DISC1: variants seen among roughly 807,000 people sequenced by gnomAD.
DISC1 encodes disrupted in schizophrenia 1 protein.
In DISC1, 57 loss-of-function variants were observed where a neutral mutation model predicts 84.5. That is an observed-to-expected ratio of 0.67 (90% CI 0.55 to 0.84). The LOEUF (loss-of-function observed/expected upper bound fraction) is 0.84, where lower values mean the gene tolerates loss of function less well. Ranked by LOEUF, DISC1 falls within the 40% of genes least tolerant of loss-of-function variation. DISC1 has a pLI of 0.00. For missense variants in DISC1, 1,000 were observed against 1,057.8 expected (o/e 0.95, Z 0.76); for synonymous variants, 411 against 415.2 (o/e 0.99, Z 0.12).
At chr1:231,833,999 C>T (rs1054013128) in intron 9 of DISC1, among the ~76,000 whole-genome samples, 2 of 152,110 alleles carry the variant, frequency 1.3e-5, no homozygotes, top group Non-Finnish European at 2.9e-5. Flanking sequence ...TGTAAAGTGT[C>T]TCAGGGTTGC....
rs570477374 is a variant in DISC1 at position 231,851,472 on chromosome 1, T to C, written c.1981+32955T>C. ...GCAGCAGGAAACTGAATATAGTCAC[T>C]CACATAGCTAAACCCAGGCTCAGGC... On this transcript the variant is annotated intron_variant, in intron 9 of 12. Coordinates refer to ENST00000439617, the MANE Select transcript of DISC1 (RefSeq NM_018662.3). Among the ~76,000 whole-genome samples the C allele has an allele frequency of 2.6e-5, 4 of 152,270 alleles. No homozygotes were observed. In the East Asian group the frequency reaches 7.7e-4, roughly 29 times the overall value.
chr1:231,863,443 C>G (rs1276551079), intron 9 of DISC1, among the ~76,000 whole-genome samples: 1 of 152,100 alleles, frequency 6.6e-6, no homozygotes, highest in South Asian at 2.1e-4. Context: ...GTTGGCCAGG[C>G]TGGTCTTGAA....
intron 7 of DISC1, among the ~76,000 whole-genome samples, chr1:231,797,776 A>C (rs766910501): frequency 1.3e-5 from 2 of 152,188 alleles, no homozygotes; most frequent in Non-Finnish European, 2.9e-5. Context: ...CATAAAATTA[A>C]GGAACTCACA....
At chr1:231,942,875 C>T (rs1319610686) in intron 9 of DISC1, among the ~76,000 whole-genome samples, 1 of 152,172 alleles carries the variant, frequency 6.6e-6, no homozygotes, top group Non-Finnish European at 1.5e-5. Flanking sequence ...CCTTATAACA[C>T]AGACTGCTGG....
intron 10 of DISC1, among the ~76,000 whole-genome samples, chr1:231,982,509 T>C (rs1663759441): frequency 6.6e-6 from 1 of 152,182 alleles, no homozygotes; most frequent in Non-Finnish European, 1.5e-5. Context: ...CCATCTTCGC[T>C]CTCTTGAAGC....
intron 8 of DISC1, among the ~76,000 whole-genome samples, chr1:231,801,490 A>G (rs1196839665): frequency 6.6e-6 from 1 of 152,216 alleles, no homozygotes; most frequent in Non-Finnish European, 1.5e-5. Flanking sequence ...TATATTGCGT[A>G]TGGCGCAGGT....
chr1:231,749,849 A>C, intron 3 of DISC1, 77 bp from the exon 4 acceptor site: 1 of 1,593,604 alleles, frequency 6.3e-7, no homozygotes, highest in Non-Finnish European at 8.6e-7. Context: ...CTACAACTGG[A>C]GCTAAGAGAC....
intron 3 of DISC1, among the ~76,000 whole-genome samples, chr1:231,713,841 GAT>G (rs1229580191): frequency 0.024 from 3,199 of 132,688 alleles, 117 homozygotes; most frequent in African/African-American, 0.079. Flanking sequence ...ATATATAGGA[GAT>G]ATATATATAT....
chr1:231,644,610 A>T (rs1197063364), intron 1 of DISC1, among the ~76,000 whole-genome samples: 2 of 152,140 alleles, frequency 1.3e-5, no homozygotes, highest in Admixed American at 6.5e-5. Flanking sequence ...TTGATGTAGC[A>T]CTTCCTTGGT....
At chr1:232,021,522 G>A (rs988602237) in intron 11 of DISC1, among the ~76,000 whole-genome samples, 4 of 152,188 alleles carry the variant, frequency 2.6e-5, no homozygotes, top group African/African-American at 4.8e-5. Context: ...CCCTGCATGG[G>A]TAGGAGTTCC....
chr1:231,877,547 T>C lies in DISC1; in HGVS notation c.1981+59030T>C, dbSNP rs2085977633. Reference sequence around the variant, plus strand: ...AGGTACTCAAGTTAGGCTGCTTGCATTCAAGTCCTATTTCTGGTTCTTACT... The same window carrying C: ...AGGTACTCAAGTTAGGCTGCTTGCACTCAAGTCCTATTTCTGGTTCTTACT... On this transcript the variant is annotated intron_variant, in intron 9 of 12. Coordinates refer to ENST00000439617, the MANE Select transcript of DISC1 (RefSeq NM_018662.3). Among the ~76,000 whole-genome samples the C allele has an allele frequency of 5.3e-5, 8 of 152,252 alleles. No individual in the cohort carries two copies. The South Asian group carries it at 1.4e-3, about 28-fold the overall frequency.
intron 11 of DISC1, among the ~76,000 whole-genome samples, chr1:232,018,158 A>G (rs534131470): frequency 6.6e-6 from 1 of 152,378 alleles, no homozygotes; most frequent in Admixed American, 6.5e-5. Context: ...TATTCAGAAT[A>G]GAAATAATAA....
chr1:231,806,665 C>T (rs1253007360), intron 8 of DISC1, among the ~76,000 whole-genome samples: 1 of 152,156 alleles, frequency 6.6e-6, no homozygotes, highest in Non-Finnish European at 1.5e-5. Flanking sequence ...TGAAAGGCCT[C>T]TTCTCCCAGG....
In DISC1 at chr1:232,036,835, G is replaced by A. The variant is rs780822344; in HGVS notation, c.*4G>A. On this transcript the variant is annotated 3_prime_UTR_variant, in exon 13 of 13. Transcript: ENST00000439617. ...TGTCCACGAAGCACAAGCCTGAGGA[G>A]TGACGGGATGGGGGAGGGAGGTGGG... is the stretch of plus-strand genomic sequence containing the variant. The A allele has an allele frequency of 3.9e-6, 6 of 1,547,972 alleles. No homozygotes were observed. Among genetic ancestry groups the A allele is most frequent in the Non-Finnish European group, 5.3e-6 (6 of 1,135,568 alleles).
At chr1:231,944,075 G>A (rs754377024) in intron 9 of DISC1, 2 of 152,206 alleles carry the variant, frequency 1.3e-5, no homozygotes, top group East Asian at 3.8e-4. Flanking sequence ...TATGAGTTTA[G>A]AATGCTTGAA....
At chr1:232,018,473 G>T (rs551186186) in intron 11 of DISC1, among the ~76,000 whole-genome samples, 5 of 152,176 alleles carry the variant, frequency 3.3e-5, no homozygotes, top group African/African-American at 1.2e-4. Context: ...TGCTTTTCTG[G>T]GTATACACTT....
At chr1:232,018,155 A>G (rs1475513) in intron 11 of DISC1, among the ~76,000 whole-genome samples, 10,037 of 152,296 alleles carry the variant, frequency 0.066, 1,103 homozygotes, top group African/African-American at 0.23. Context: ...TTCTATTCAG[A>G]ATAGAAATAA....
Position 232,041,198 on chromosome 1 carries a change from C to T in DISC1, c.*4367C>T, listed in dbSNP as rs1431731678. 6.6e-6 allele frequency: 1 copy of T among 152,176 alleles called. No individual in the cohort carries two copies. Among genetic ancestry groups the T allele is most frequent in the African/African-American group, 2.4e-5 (1 of 41,444 alleles). The allele number at this position is 152,176 out of a possible 1,614,324, so 9.4% of individuals were successfully genotyped here. ...AAAAATGTATCAGGTTTATTCATCTCATCTTTCTGTTACAGGATGATTAAT... is the reference window on the plus strand; with the variant it reads ...AAAAATGTATCAGGTTTATTCATCTTATCTTTCTGTTACAGGATGATTAAT... On this transcript the variant is annotated 3_prime_UTR_variant, in exon 13 of 13. Transcript: ENST00000439617.
chr1:231,761,147 C>A (rs2075625845), intron 4 of DISC1, among the ~76,000 whole-genome samples: 1 of 152,046 alleles, frequency 6.6e-6, no homozygotes, highest in African/African-American at 2.4e-5. Context: ...CCGATGGAGA[C>A]CTGTATGACA....
Sources: gnomAD v4.1 joint callset for allele counts (sites outside exome capture counted in the v4.1 genomes callset) on GRCh38, gnomAD v4.1.1 for gene constraint, MANE v1.5 for transcripts, NCBI Gene and HGNC (gene_info 2026-07-23, HGNC 2026-07-21) for gene names.